Variants in GRIK4 observed in about 807,000 individuals in gnomAD.
The protein encoded by GRIK4 is glutamate receptor ionotropic, kainate 4.
GRIK4 carries 40 observed loss-of-function variants against 104.9 expected under a neutral mutation model. The ratio of observed to expected loss-of-function variants is 0.38; its 90% confidence interval spans 0.30 to 0.50. The LOEUF (loss-of-function observed/expected upper bound fraction) is 0.50, where lower values mean the gene tolerates loss of function less well. Ranked by LOEUF, GRIK4 falls within the 20% of genes least tolerant of loss-of-function variation. The pLI is 0.93. For missense variants in GRIK4, 1,047 were observed against 1,308.1 expected, an observed-to-expected ratio of 0.80 and a Z score of 3.08; for synonymous variants, 485 against 524.9, an observed-to-expected ratio of 0.92 and a Z score of 1.04.
At chr11:120,633,561 C>T (rs978564265) in intron 1 of GRIK4, among the ~76,000 whole-genome samples, 8 of 152,070 alleles carry the variant, frequency 5.3e-5, no homozygotes, top group African/African-American at 1.7e-4. Context: ...AATTAGGGAC[C>T]GGGGAAGCTT....
At chr11:120,567,069 C>T (rs570751118) in intron 1 of GRIK4, among the ~76,000 whole-genome samples, 1 of 147,900 alleles carries the variant, frequency 6.8e-6, no homozygotes, top group East Asian at 2.0e-4. Flanking sequence ...TGCGCTGCTG[C>T]CTTGAACTCC....
rs1592064652 is a variant in GRIK4 at position 120,905,507 on chromosome 11, A to G, written c.1476+14A>G. ...CTGATCGCTAGGGTAAGGAGAGGACAAGTGATCTGGGCCTGAGGGTGGGCT... is the reference window on the plus strand; with the variant it reads ...CTGATCGCTAGGGTAAGGAGAGGACGAGTGATCTGGGCCTGAGGGTGGGCT... On this transcript the variant is annotated intron_variant, in intron 13 of 20. Transcript: ENST00000527524. This position sits in a 1 kb window ranked among gnomAD's most constrained non-coding sequence, Gnocchi z 5.1. The G allele has an allele frequency of 1.0e-6, 1 of 994,514 alleles. No homozygotes were observed. Among genetic ancestry groups the G allele is most frequent in the Non-Finnish European group, 1.5e-6 (1 of 680,754 alleles). The allele number at this position is 994,514 out of a possible 1,614,324, so 61.6% of individuals were successfully genotyped here.
chr11:120,826,591 A>C (rs570315370), intron 6 of GRIK4, among the ~76,000 whole-genome samples: 1 of 152,344 alleles, frequency 6.6e-6, no homozygotes, highest in East Asian at 1.9e-4. Flanking sequence ...ACATCCTGAA[A>C]TCAGGAGGCT....
At chr11:120,628,402 G>A (rs144054490) in intron 1 of GRIK4, among the ~76,000 whole-genome samples, 61 of 152,296 alleles carry the variant, frequency 4.0e-4, no homozygotes, top group South Asian at 8.3e-4. Context: ...TTCCCTTAGC[G>A]GAAACAAGGA....
intron 3 of GRIK4, among the ~76,000 whole-genome samples, chr11:120,769,747 A>G (rs1951906375): frequency 6.6e-6 from 1 of 152,188 alleles, no homozygotes; most frequent in South Asian, 2.1e-4. Flanking sequence ...GGAGACATGG[A>G]ATGGATAGGA....
chr11:120,740,606 GAA>G (rs1951311002), intron 3 of GRIK4, among the ~76,000 whole-genome samples: 1 of 152,188 alleles, frequency 6.6e-6, no homozygotes, highest in Non-Finnish European at 1.5e-5. Context: ...AACTTGGGAG[GAA>G]CTATCTCTGG....
Position 120,593,882 on chromosome 11 carries a change from C to T in GRIK4, c.-158-59803C>T, listed in dbSNP as rs943248342. Among the ~76,000 whole-genome samples the T allele has an allele frequency of 3.3e-5, 5 of 152,106 alleles. 1 individual carries two copies. Among genetic ancestry groups the T allele is most frequent in the South Asian group, 4.1e-4 (2 of 4,822 alleles). ...GAATGGGAGTCATTCCTGATCTCTC[C>T]GTTCTCTCACTCTCCACATCCCATA... On this transcript the variant is annotated intron_variant, in intron 1 of 20. Transcript: ENST00000527524.
chr11:120,754,131 A>C (rs144490374), intron 3 of GRIK4, among the ~76,000 whole-genome samples: 7 of 152,124 alleles, frequency 4.6e-5, no homozygotes, highest in African/African-American at 7.2e-5. Flanking sequence ...CCCGAGTTCA[A>C]GTGATTCTCC....
At chr11:120,641,395 G>A (rs1455843077) in intron 1 of GRIK4, among the ~76,000 whole-genome samples, 1 of 151,736 alleles carries the variant, frequency 6.6e-6, no homozygotes, top group African/African-American at 2.4e-5. Context: ...AACAACTAAA[G>A]GAATAAAGCT....
rs553500413 is a variant in GRIK4 at position 120,940,795 on chromosome 11, C to T, written c.1590+335C>T. On this transcript the variant is annotated intron_variant, in intron 14 of 20. Coordinates refer to ENST00000527524, the MANE Select transcript of GRIK4 (RefSeq NM_014619.5). This position sits in a 1 kb window ranked among gnomAD's most constrained non-coding sequence, Gnocchi z 4.3. Reference sequence around the variant, plus strand: ...CTGCAGCCCAGATAAGTCACCCTAGCATTTCTCAAGCACGTTGCCAACTTC... The same window carrying T: ...CTGCAGCCCAGATAAGTCACCCTAGTATTTCTCAAGCACGTTGCCAACTTC... 2.0e-5 allele frequency among the ~76,000 whole-genome samples: 3 copies of T among 152,324 alleles called. No individual in the cohort carries two copies. The South Asian group carries it at 6.2e-4, about 32-fold the overall frequency.
intron 3 of GRIK4, among the ~76,000 whole-genome samples, chr11:120,717,483 C>T (rs7111007): frequency 0.046 from 7,044 of 152,110 alleles, 542 homozygotes; most frequent in African/African-American, 0.16. Flanking sequence ...TCTCCTTTGC[C>T]ATCCTGCCAA....
intron 14 of GRIK4, among the ~76,000 whole-genome samples, chr11:120,943,152 C>CACG (rs1413495598): frequency 2.1e-5 from 2 of 95,462 alleles, no homozygotes; most frequent in East Asian, 3.2e-4. Context: ...ACACACACAC[C>CACG]CCCCTGACTG....
intron 16 of GRIK4, among the ~76,000 whole-genome samples, chr11:120,959,621 C>T (rs1944244857): frequency 6.6e-6 from 1 of 152,216 alleles, no homozygotes; most frequent in African/African-American, 2.4e-5. Context: ...TGGGAGAAGG[C>T]TTGTTTAACC....
At chr11:120,644,044 TGAGA>T (rs944483963) in intron 1 of GRIK4, among the ~76,000 whole-genome samples, 21 of 112,640 alleles carry the variant, frequency 1.9e-4, no homozygotes, top group Non-Finnish European at 3.1e-4. Context: ...TGTGTGTGTG[TGAGA>T]GAGAGAGAGA....
chr11:120,617,913 A>G (rs919159292), intron 1 of GRIK4, among the ~76,000 whole-genome samples: 1 of 152,236 alleles, frequency 6.6e-6, no homozygotes, highest in Non-Finnish European at 1.5e-5. Context: ...TGGAATAATA[A>G]TGAAAATTGG....
chr11:120,691,598 A>G (rs572831846), intron 3 of GRIK4, among the ~76,000 whole-genome samples: 1 of 152,306 alleles, frequency 6.6e-6, no homozygotes, highest in Admixed American at 6.5e-5. Context: ...CTTTAAAGAA[A>G]GTAGGAGAGA....
At chr11:120,664,614 C>T (rs1016568977) in intron 3 of GRIK4, among the ~76,000 whole-genome samples, 1 of 152,216 alleles carries the variant, frequency 6.6e-6, no homozygotes, top group African/African-American at 2.4e-5. Context: ...TCTCTTCCTG[C>T]TCTTCTAGAG....
At chr11:120,837,087 T>C (rs985597503) in intron 8 of GRIK4, among the ~76,000 whole-genome samples, 1 of 152,230 alleles carries the variant, frequency 6.6e-6, no homozygotes, top group African/African-American at 2.4e-5. Context: ...ATAAAGCGAA[T>C]TCTGGGCTGT....
intron 1 of GRIK4, among the ~76,000 whole-genome samples, chr11:120,538,509 G>A (rs1001832981): frequency 2.6e-5 from 4 of 152,112 alleles, no homozygotes; most frequent in African/African-American, 7.2e-5. Flanking sequence ...TCCTTTCTCC[G>A]TGAGTTAGAA....
Sources: allele counts gnomAD v4.1 joint callset (sites outside exome capture counted in the v4.1 genomes callset), GRCh38; gene constraint gnomAD v4.1.1; non-coding constraint Gnocchi (gnomAD v3.1); transcripts MANE v1.5; gene names NCBI Gene and HGNC (gene_info 2026-07-23, HGNC 2026-07-21).